USH2A: variants seen among roughly 807,000 people sequenced by gnomAD.
USH2A encodes usherin.
In USH2A, 443 loss-of-function variants were observed where a neutral mutation model predicts 538.9. The observed-to-expected ratio is 0.82, with a 90% CI of 0.76 to 0.89. The LOEUF (loss-of-function observed/expected upper bound fraction) is 0.89. USH2A is among the 40% of genes least tolerant of loss of function. The pLI is 0.00. For synonymous variants in USH2A, 2,413 were observed against 2,273.5 expected (o/e 1.06, Z -1.75); for missense variants, 6,633 against 6,324.8 (o/e 1.05, Z -1.65).
Position 216,044,569 on chromosome 1 carries a change from C to T in USH2A, c.6325+1862G>A, listed in dbSNP as rs6686738. On this transcript the variant is annotated intron_variant, in intron 32 of 71. Transcript: ENST00000307340. ...GAACTCTGTGTTGTACAGGAGATAACAATTATAACTTCTCTTTACCAATTG... is the reference window on the plus strand; with the variant it reads ...GAACTCTGTGTTGTACAGGAGATAATAATTATAACTTCTCTTTACCAATTG... Among the ~76,000 whole-genome samples, 502 of 152,156 alleles carry T rather than the reference C, an allele frequency of 3.3e-3. 2 individuals are homozygous for T. The highest frequency in any genetic ancestry group is 0.012 in the African/African-American group (481 of 41,508).
At chr1:216,419,257 C>G (rs1008653671) in intron 2 of USH2A, among the ~76,000 whole-genome samples, 9 of 152,114 alleles carry the variant, frequency 5.9e-5, no homozygotes, top group African/African-American at 2.2e-4. Flanking sequence ...CTGGCTACCT[C>G]TCCATGACCG....
chr1:216,066,281 T>C (rs148976118), intron 30 of USH2A, among the ~76,000 whole-genome samples: 204 of 152,022 alleles, frequency 1.3e-3, no homozygotes, highest in African/African-American at 2.5e-3. Context: ...CCATCCTGGC[T>C]AACATGGTGA....
At chr1:215,974,926 G>A (rs1472424707) in intron 35 of USH2A, among the ~76,000 whole-genome samples, 1 of 152,132 alleles carries the variant, frequency 6.6e-6, no homozygotes, top group African/African-American at 2.4e-5. Context: ...GCTTTCCACA[G>A]TGGCCGAACT....
chr1:216,007,209 T>G (rs1035302157), intron 32 of USH2A, among the ~76,000 whole-genome samples: 1 of 152,174 alleles, frequency 6.6e-6, no homozygotes, highest in Non-Finnish European at 1.5e-5. Flanking sequence ...AACCTCTTTT[T>G]CTTTACAAAT....
At chr1:216,409,479 T>A (rs1404023999) in intron 3 of USH2A, among the ~76,000 whole-genome samples, 1 of 152,044 alleles carries the variant, frequency 6.6e-6, no homozygotes, top group Non-Finnish European at 1.5e-5. Flanking sequence ...GACTGCAAAC[T>A]ATACTACAGG....
chr1:215,695,058 T>C (rs77607050), intron 61 of USH2A, among the ~76,000 whole-genome samples: 2,305 of 152,298 alleles, frequency 0.015, 92 homozygotes, highest in East Asian at 0.1. Flanking sequence ...ATTTACCAAA[T>C]ATTCATTTAT....
intron 30 of USH2A, among the ~76,000 whole-genome samples, chr1:216,062,205 C>T (rs1013958714): frequency 1.3e-5 from 2 of 152,092 alleles, no homozygotes; most frequent in African/African-American, 4.8e-5. Context: ...ATTTAAAAAT[C>T]ACGAGTTGCA....
chr1:215,985,317 A>C (rs1014571083), intron 35 of USH2A, among the ~76,000 whole-genome samples: 1 of 152,246 alleles, frequency 6.6e-6, no homozygotes, highest in African/African-American at 2.4e-5. Flanking sequence ...GACATTGAAC[A>C]AGTAAAAGTA....
At chr1:215,950,475 C>A (rs907379105) in intron 37 of USH2A, among the ~76,000 whole-genome samples, 1 of 150,368 alleles carries the variant, frequency 6.7e-6, no homozygotes, top group Non-Finnish European at 1.5e-5. Flanking sequence ...AAAATGACTG[C>A]AAGCCAATAA....
chr1:216,000,683 A>G lies in USH2A; in HGVS notation c.6326-121T>C. 2.4e-6 allele frequency: 3 copies of G among 1,243,266 alleles called. 1 individual carries two copies. The highest frequency in any genetic ancestry group is 3.5e-6 in the Non-Finnish European group (3 of 865,480). The allele number at this position is 1,243,266 out of a possible 1,614,324, so 77.0% of individuals were successfully genotyped here. ...AAGATAAGGCTTAAAATATGAATAA[A>G]TAGCCATAAAAATCAATAGCAATAA... On this transcript the variant is annotated intron_variant, in intron 32 of 71. Transcript: ENST00000307340.
intron 4 of USH2A, among the ~76,000 whole-genome samples, chr1:216,362,740 C>T (rs897618570): frequency 2.0e-5 from 3 of 151,672 alleles, no homozygotes; most frequent in African/African-American, 4.8e-5. Flanking sequence ...GCCAGGAGTT[C>T]GAGACCAGCC....
chr1:215,690,662 C>T (rs1413266719), intron 61 of USH2A, among the ~76,000 whole-genome samples: 6 of 151,630 alleles, frequency 4.0e-5, no homozygotes, highest in Non-Finnish European at 7.4e-5. Context: ...CTGCAGTCTT[C>T]CCTTTTTTTC....
intron 21 of USH2A, among the ~76,000 whole-genome samples, chr1:216,120,030 AT>A (rs2033095525): frequency 6.6e-6 from 1 of 152,062 alleles, no homozygotes; most frequent in South Asian, 2.1e-4. Context: ...CATTTTTCTA[AT>A]GTGGATTTAG....
intron 3 of USH2A, among the ~76,000 whole-genome samples, chr1:216,408,730 C>T (rs990651093): frequency 1.2e-4 from 18 of 152,126 alleles, no homozygotes; most frequent in African/African-American, 4.1e-4. Flanking sequence ...CACTTTGGGG[C>T]CATTAAGAAG....
intron 15 of USH2A, among the ~76,000 whole-genome samples, chr1:216,215,883 T>C (rs2035333071): frequency 6.6e-6 from 1 of 151,842 alleles, no homozygotes; most frequent in Admixed American, 6.6e-5. Flanking sequence ...CTACTAAGAG[T>C]TGTAGGCTAG....
At position 216,251,067 on chromosome 1, in the gene USH2A, A is replaced by G; in HGVS notation, c.2003T>C (p.Val668Ala). ...GCACTGATTGCACTGCCTGCCAGAC[A>G]CGTGTCTCTTACAATTACACTGTCC... ...IGGQCNCKRHVSGRQCNQCQN... is the reference protein window; with the variant it reads ...IGGQCNCKRHASGRQCNQCQN... The change falls in exon 12 of 72, where the codon GTG becomes GCG. Residue 668 changes from valine (V) to alanine (A), a missense_variant. By Grantham distance (64) the Val-to-Ala change is moderately conservative (BLOSUM62 0). Transcript: ENST00000307340. The G allele has an allele frequency of 6.2e-7, 1 of 1,614,090 alleles. No individual in the cohort carries two copies. The highest frequency in any genetic ancestry group is 8.5e-7 in the Non-Finnish European group (1 of 1,179,996).
At chr1:216,095,962 A>G (rs1212752644) in intron 22 of USH2A, among the ~76,000 whole-genome samples, 1 of 152,190 alleles carries the variant, frequency 6.6e-6, no homozygotes, top group African/African-American at 2.4e-5. Context: ...TGTGATTTAG[A>G]TCATCAGTTT....
intron 3 of USH2A, among the ~76,000 whole-genome samples, chr1:216,366,078 T>A (rs2038590579): frequency 6.6e-6 from 1 of 152,174 alleles, no homozygotes; most frequent in Non-Finnish European, 1.5e-5. Flanking sequence ...ACTTCATCTC[T>A]GCAAATAGTC....
At chr1:216,011,683 A>G (rs927593095) in intron 32 of USH2A, among the ~76,000 whole-genome samples, 3 of 151,884 alleles carry the variant, frequency 2.0e-5, no homozygotes, top group Non-Finnish European at 4.4e-5. Flanking sequence ...GGCCCTCAAA[A>G]TCACAAACTA....
Sources: allele counts gnomAD v4.1 joint callset (sites outside exome capture counted in the v4.1 genomes callset), GRCh38; gene constraint gnomAD v4.1.1; transcripts MANE v1.5; gene names NCBI Gene and HGNC (gene_info 2026-07-23, HGNC 2026-07-21).